TMEM132B: variants seen among roughly 807,000 people sequenced by gnomAD.
TMEM132B encodes the protein transmembrane protein 132B.
In TMEM132B, 18 loss-of-function variants were observed where a neutral mutation model predicts 90.8. The ratio of observed to expected loss-of-function variants is 0.20; its 90% CI spans 0.14 to 0.29. The LOEUF (loss-of-function observed/expected upper bound fraction) is 0.29, where lower values mean the gene tolerates loss of function less well. Among genes scored for constraint, TMEM132B ranks in the 10% least tolerant of loss-of-function variants. The pLI is 1.00. For missense variants in TMEM132B, 1,096 were observed against 1,326.8 expected (o/e 0.83, Z 2.70); for synonymous variants, 504 against 523.3 (o/e 0.96, Z 0.50).
chr12:125,264,733 G>A (rs1471686720), intron 1 of TMEM132B, among the ~76,000 whole-genome samples: 1 of 150,684 alleles, frequency 6.6e-6, no homozygotes, highest in Admixed American at 6.6e-5. Context: ...ATTTAAAGTG[G>A]CCTAATTTGT....
At chr12:125,293,852 C>T (rs144213495) in intron 1 of TMEM132B, among the ~76,000 whole-genome samples, 116 of 152,288 alleles carry the variant, frequency 7.6e-4, no homozygotes, top group African/African-American at 2.6e-3. Flanking sequence ...GGCTTGTAAC[C>T]GCTCTGAACT....
At chr12:125,524,445 T>C (rs776310466) in intron 4 of TMEM132B, among the ~76,000 whole-genome samples, 3 of 152,184 alleles carry the variant, frequency 2.0e-5, no homozygotes, top group Non-Finnish European at 4.4e-5. Flanking sequence ...GGCTATTGGG[T>C]CAACCTGCCT....
chr12:125,336,418 G>C (rs923420019), intron 1 of TMEM132B, among the ~76,000 whole-genome samples: 2 of 152,216 alleles, frequency 1.3e-5, no homozygotes, highest in African/African-American at 4.8e-5. Flanking sequence ...GATGCACAGT[G>C]ATGACACTGC....
chr12:125,391,697 C>A (rs1879024379), intron 2 of TMEM132B, among the ~76,000 whole-genome samples: 1 of 152,182 alleles, frequency 6.6e-6, no homozygotes, highest in Non-Finnish European at 1.5e-5. Context: ...ACAAGTATAT[C>A]TCCTCCCAAA....
chr12:125,281,284 C>T (rs879725201), intron 1 of TMEM132B, among the ~76,000 whole-genome samples: 10 of 152,172 alleles, frequency 6.6e-5, no homozygotes, highest in Non-Finnish European at 1.2e-4. Context: ...ATTGAGGAAC[C>T]TGTGTTTTGC....
rs1234344836 is a variant in TMEM132B, at chr12:125,445,865, C to G, written c.1106+30188C>G. Among the ~76,000 whole-genome samples, 1 of 152,182 alleles carries G rather than the reference C, an allele frequency of 6.6e-6. No homozygotes were observed. The highest frequency in any genetic ancestry group is 1.5e-5 in the Non-Finnish European group (1 of 68,018). ...TGGGGAGTGGCTCTCAACACTGTGA[C>G]TCACCCCTGCCCACCCACCCACCAG... On this transcript the variant is annotated intron_variant, in intron 3 of 8. Transcript: ENST00000682704. The surrounding 1 kb of genome is among the most constrained non-coding windows in gnomAD (Gnocchi z 4.3).
intron 1 of TMEM132B, among the ~76,000 whole-genome samples, chr12:125,224,264 A>AT (rs67211025): frequency 0.036 from 5,468 of 152,316 alleles, 128 homozygotes; most frequent in Non-Finnish European, 0.049. Context: ...TGCCATTAAC[A>AT]TCCCTGTATG....
intron 3 of TMEM132B, among the ~76,000 whole-genome samples, chr12:125,464,111 C>A (rs1881505534): frequency 1.3e-5 from 2 of 152,126 alleles, no homozygotes; most frequent in Admixed American, 1.3e-4. Flanking sequence ...TTGGTGGGGA[C>A]ACAGAGCCAA....
At chr12:125,651,720 G>A (rs765264533) in intron 7 of TMEM132B, among the ~76,000 whole-genome samples, 2 of 152,238 alleles carry the variant, frequency 1.3e-5, no homozygotes, top group Non-Finnish European at 2.9e-5. Context: ...GGCACCATGA[G>A]GCTGAACTCC....
intron 1 of TMEM132B, among the ~76,000 whole-genome samples, chr12:125,247,423 T>A (rs767516913): frequency 6.6e-6 from 1 of 152,190 alleles, no homozygotes; most frequent in African/African-American, 2.4e-5. Flanking sequence ...TCACAGATGA[T>A]GCGACATGAA....
Position 125,550,378 on chromosome 12 carries a change from T to C in TMEM132B, c.1293+30753T>C, listed in dbSNP as rs73416307. On this transcript the variant is annotated intron_variant, in intron 4 of 8. Transcript: ENST00000682704. ...ATTCTGTTTTTTTTAAACTCATTTA[T>C]AGTTATCCATCTTTTATTAGTTAGT... 5.8e-3 allele frequency among the ~76,000 whole-genome samples: 879 copies of C among 152,354 alleles called. 9 individuals carry two copies. The highest frequency in any genetic ancestry group is 0.019 in the African/African-American group (810 of 41,588).
intron 4 of TMEM132B, among the ~76,000 whole-genome samples, chr12:125,522,925 A>C (rs750000446): frequency 3.3e-5 from 5 of 152,212 alleles, no homozygotes; most frequent in Non-Finnish European, 7.4e-5. Context: ...TGAGGGGTGA[A>C]CTTGGAGCTG....
chr12:125,579,389 T>C (rs1279493565), intron 4 of TMEM132B, among the ~76,000 whole-genome samples: 1 of 151,244 alleles, frequency 6.6e-6, no homozygotes, highest in African/African-American at 2.4e-5. Context: ...TGAGATAGAG[T>C]CTCGCTCTGT....
At chr12:125,595,673 A>T (rs1885422097) in intron 5 of TMEM132B, among the ~76,000 whole-genome samples, 1 of 152,194 alleles carries the variant, frequency 6.6e-6, no homozygotes, top group African/African-American at 2.4e-5. Context: ...TACAGACAAG[A>T]TATCTGATGC....
In TMEM132B at chr12:125,349,620, T is replaced by C. The variant is rs1877488911; in HGVS notation, c.236T>C (p.Phe79Ser). ...SSLQARVEPF[F>S]IYRARTPPII... is the part of the protein sequence containing the mutation. ...CTGCAGGCCCGGGTGGAGCCATTCT[T>C]CATCTACCGAGCCAGGACACCCCCT... is the stretch of plus-strand genomic sequence containing the variant. The change falls in exon 2 of 9, where the codon TTC becomes TCC. Residue 79 changes from phenylalanine (F) to serine (S), a missense_variant. Coordinates refer to ENST00000682704, the MANE Select transcript of TMEM132B (RefSeq NM_001366854.1). This position sits in a 1 kb window ranked among gnomAD's most constrained non-coding sequence, Gnocchi z 4.1. 1 of 1,614,146 alleles carries C rather than the reference T, an allele frequency of 6.2e-7. No individual in the cohort carries two copies. The highest frequency in any genetic ancestry group is 1.1e-5 in the South Asian group (1 of 91,062).
chr12:125,236,023 G>A (rs1199800987), intron 1 of TMEM132B, among the ~76,000 whole-genome samples: 2 of 151,826 alleles, frequency 1.3e-5, no homozygotes, highest in Non-Finnish European at 2.9e-5. Flanking sequence ...GGCTGGTCTT[G>A]AACTCCTGAC....
chr12:125,214,818 T>C (rs1873398310), intron 1 of TMEM132B, among the ~76,000 whole-genome samples: 1 of 152,198 alleles, frequency 6.6e-6, no homozygotes, highest in Admixed American at 6.5e-5. Context: ...TTCCCTGCCC[T>C]TCAACTTCCA....
chr12:125,498,882 T>G lies in TMEM132B; in HGVS notation c.1107-20557T>G, dbSNP rs1019063716. On this transcript the variant is annotated intron_variant, in intron 3 of 8. Coordinates refer to ENST00000682704, the MANE Select transcript of TMEM132B (RefSeq NM_001366854.1). The surrounding 1 kb of genome is among the most constrained non-coding windows in gnomAD (Gnocchi z 4.5). ...GCCCAAAGGGCATGCAGGTTTCCTG[T>G]GGGTTATCTTTGGGGAAAGTGACCT... Among the ~76,000 whole-genome samples, 1 of 152,218 alleles carries G rather than the reference T, an allele frequency of 6.6e-6. No homozygotes were observed. Among genetic ancestry groups the G allele is most frequent in the African/African-American group, 2.4e-5 (1 of 41,456 alleles).
At chr12:125,447,924 A>C (rs889103069) in intron 3 of TMEM132B, among the ~76,000 whole-genome samples, 2 of 152,208 alleles carry the variant, frequency 1.3e-5, no homozygotes, top group Non-Finnish European at 2.9e-5. Context: ...TTTAAGAATC[A>C]AAATATTTTG....
Sources: allele counts gnomAD v4.1 joint callset (sites outside exome capture counted in the v4.1 genomes callset), GRCh38; gene constraint gnomAD v4.1.1; non-coding constraint Gnocchi (gnomAD v3.1); transcripts MANE v1.5; gene names NCBI Gene and HGNC (gene_info 2026-07-23, HGNC 2026-07-21).